The following RUNX1 variants were observed in gnomAD, a reference collection of about 807,000 sequenced individuals.
RUNX1 encodes the protein RUNX family transcription factor 1, also known as runt-related transcription factor 1.
A neutral mutation model predicts 42.8 loss-of-function variants in RUNX1; 19 were observed. The ratio of observed to expected loss-of-function variants is 0.44; its 90% CI spans 0.31 to 0.65. The LOEUF (loss-of-function observed/expected upper bound fraction) is 0.65. Ranked by LOEUF, RUNX1 falls within the 30% of genes least tolerant of loss-of-function variation. The probability of loss-of-function intolerance (pLI) is 0.07; values close to 1 mark genes in which losing one functional copy is unlikely to be tolerated. For missense variants in RUNX1, 528 were observed against 672.0 expected (o/e 0.79, Z 2.37); for synonymous variants, 271 against 289.4 (o/e 0.94, Z 0.64).
At chr21:34,834,920 G>A (rs1453388493) in intron 6 of RUNX1, among the ~76,000 whole-genome samples, 2 of 152,182 alleles carry the variant, frequency 1.3e-5, no homozygotes, top group Non-Finnish European at 2.9e-5. Context: ...TGGTGGTGAT[G>A]CCGGGAGGGA....
intron 7 of RUNX1, chr21:34,821,793 A>T: frequency 3.8e-6 from 4 of 1,045,248 alleles, no homozygotes; most frequent in Non-Finnish European, 5.3e-6. Context: ...CCAAGGCGTG[A>T]AAGAATCAAA....
intron 2 of RUNX1, among the ~76,000 whole-genome samples, chr21:34,974,035 C>T (rs1286893508): frequency 1.3e-5 from 2 of 152,280 alleles, no homozygotes; most frequent in East Asian, 3.9e-4. Context: ...TTTGCCTCCA[C>T]ACGTAGATGG....
chr21:34,921,157 C>A (rs1402802465), intron 2 of RUNX1, among the ~76,000 whole-genome samples: 1 of 152,222 alleles, frequency 6.6e-6, no homozygotes, highest in Non-Finnish European at 1.5e-5. Flanking sequence ...CTGAACCCAA[C>A]CATTTTAAAG....
Position 34,814,343 on chromosome 21 carries a change from AG to A in RUNX1, c.806-14882del, listed in dbSNP as rs1425652470. On this transcript the variant is annotated intron_variant, in intron 7 of 8. Coordinates refer to ENST00000675419, the MANE Select transcript of RUNX1 (RefSeq NM_001754.5). ...GGTCGTGGGGAGGAGGAAGGCTTTC[AG>A]GGACAAGCAGACGGCGACAGGGATC... 7.2e-5 allele frequency among the ~76,000 whole-genome samples: 11 copies of A among 152,292 alleles called. No individual in the cohort carries two copies. The East Asian group carries it at 2.1e-3, about 29-fold the overall frequency.
rs183534144 is a variant in RUNX1, at chr21:34,969,467, G to A, written c.59-76504C>T. ...AAGAAAGGAAGAAAAGATGAAACGT[G>A]GAGAAATAGCAAAAGGAAATGAAAA... is the stretch of plus-strand genomic sequence containing the variant. On this transcript the variant is annotated intron_variant, in intron 2 of 8. Transcript: ENST00000675419. Among the ~76,000 whole-genome samples, 14 of 152,240 alleles carry A rather than the reference G, an allele frequency of 9.2e-5. 1 individual carries two copies. The East Asian group carries it at 2.5e-3, about 27-fold the overall frequency.
intron 2 of RUNX1, among the ~76,000 whole-genome samples, chr21:35,047,551 A>ACTCT (rs2059406909): frequency 9.2e-4 from 88 of 95,390 alleles, no homozygotes; most frequent in African/African-American, 2.1e-3. Context: ...ACACACACAC[A>ACTCT]CACACACACA....
chr21:35,047,712 G>A (rs1162320135), intron 2 of RUNX1, among the ~76,000 whole-genome samples: 1 of 152,070 alleles, frequency 6.6e-6, no homozygotes, highest in Non-Finnish European at 1.5e-5. Flanking sequence ...TCACTTAGCT[G>A]TATGAATAAA....
Position 34,895,423 on chromosome 21 carries a change from CA to C in RUNX1, c.59-2461del, listed in dbSNP as rs139553080. Among the ~76,000 whole-genome samples, 1,305 of 152,270 alleles carry C rather than the reference CA, an allele frequency of 8.6e-3. 9 individuals carry two copies. The highest frequency in any genetic ancestry group is 0.041 in the Middle Eastern group (12 of 294). Reference sequence around the variant, plus strand: ...TCATGGCTGTTGGTGGACACATGTCCAGGGTCCCAGGAACTGGTGGGAGGGA... The same window carrying C: ...TCATGGCTGTTGGTGGACACATGTCCGGGTCCCAGGAACTGGTGGGAGGGA... On this transcript the variant is annotated intron_variant, in intron 2 of 8. Coordinates refer to ENST00000675419, the MANE Select transcript of RUNX1 (RefSeq NM_001754.5).
intron 5 of RUNX1, among the ~76,000 whole-genome samples, chr21:34,867,188 G>A (rs935398474): frequency 4.0e-4 from 61 of 151,926 alleles, no homozygotes; most frequent in African/African-American, 1.4e-3. Context: ...CTAGAGCTCA[G>A]GAGTTCAAGA....
intron 2 of RUNX1, among the ~76,000 whole-genome samples, chr21:34,974,718 G>T (rs1331058974): frequency 6.6e-6 from 1 of 152,110 alleles, no homozygotes; most frequent in African/African-American, 2.4e-5. Context: ...GTAGTTCCCT[G>T]GGACTTTTCT....
At chr21:34,852,068 T>C (rs2057427954) in intron 6 of RUNX1, among the ~76,000 whole-genome samples, 1 of 152,160 alleles carries the variant, frequency 6.6e-6, no homozygotes, top group South Asian at 2.1e-4. Context: ...CTCGGGAGGC[T>C]GAGGCAGGAA....
chr21:34,822,386 C>G (rs192530540), intron 7 of RUNX1, among the ~76,000 whole-genome samples: 1 of 152,346 alleles, frequency 6.6e-6, no homozygotes, highest in African/African-American at 2.4e-5. Context: ...TTACTCCCTT[C>G]AGTAAACATG....
intron 2 of RUNX1, among the ~76,000 whole-genome samples, chr21:34,941,804 T>C (rs2058528692): frequency 6.6e-6 from 1 of 151,926 alleles, no homozygotes; most frequent in African/African-American, 2.4e-5. Context: ...CTATAGATGA[T>C]GATTTCTTTT....
intron 2 of RUNX1, among the ~76,000 whole-genome samples, chr21:34,930,222 T>C (rs2146590247): frequency 7.4e-6 from 1 of 135,724 alleles, no homozygotes; most frequent in East Asian, 2.0e-4. Context: ...TACATGTATA[T>C]ATATTATATA....
rs1424933714 is a variant in RUNX1 at position 34,901,894 on chromosome 21, G to T, written c.59-8931C>A. Among the ~76,000 whole-genome samples, 1 of 152,202 alleles carries T rather than the reference G, an allele frequency of 6.6e-6. No individual in the cohort carries two copies. Among genetic ancestry groups the T allele is most frequent in the Non-Finnish European group, 1.5e-5 (1 of 68,042 alleles). On this transcript the variant is annotated intron_variant, in intron 2 of 8. Transcript: ENST00000675419. This position sits in a 1 kb window ranked among gnomAD's most constrained non-coding sequence, Gnocchi z 4.3. ...AATGTCACACTAGTAAGATTTTCTGGTGGATGATAGATGCAGAGTCTATAA... is the reference window on the plus strand; with the variant it reads ...AATGTCACACTAGTAAGATTTTCTGTTGGATGATAGATGCAGAGTCTATAA...
intron 4 of RUNX1, among the ~76,000 whole-genome samples, chr21:34,881,882 CT>C (rs2057910675): frequency 1.3e-5 from 2 of 152,262 alleles, no homozygotes; most frequent in South Asian, 4.1e-4. Context: ...TCCTTTGTTT[CT>C]ATTTTTCAAA....
chr21:34,931,463 ATAT>A (rs1002104673), intron 2 of RUNX1, among the ~76,000 whole-genome samples: 5 of 145,964 alleles, frequency 3.4e-5, no homozygotes, highest in South Asian at 2.1e-4. Flanking sequence ...TATAATGTAT[ATAT>A]TATATTATAT....
At chr21:34,973,345 G>A (rs913578999) in intron 2 of RUNX1, among the ~76,000 whole-genome samples, 3 of 152,190 alleles carry the variant, frequency 2.0e-5, no homozygotes, top group African/African-American at 7.2e-5. Flanking sequence ...GGAGAAGAAC[G>A]AGGGAAGCTC....
intron 8 of RUNX1, among the ~76,000 whole-genome samples, chr21:34,796,891 C>G (rs1024856108): frequency 1.3e-4 from 20 of 152,054 alleles, no homozygotes; most frequent in African/African-American, 3.9e-4. Context: ...GAGAGAGAGA[C>G]AGACAGAGTC....
Sources: allele counts gnomAD v4.1 joint callset (sites outside exome capture counted in the v4.1 genomes callset), GRCh38; gene constraint gnomAD v4.1.1; non-coding constraint Gnocchi (gnomAD v3.1); transcripts MANE v1.5; gene names NCBI Gene and HGNC (gene_info 2026-07-23, HGNC 2026-07-21).